The following STMN4 variants were observed in gnomAD, a reference collection of about 807,000 sequenced individuals.
The protein encoded by STMN4 is stathmin-4.
A neutral mutation model predicts 29.1 loss-of-function variants in STMN4; 12 were observed. The ratio of observed to expected loss-of-function variants is 0.41; its 90% CI spans 0.26 to 0.67. STMN4 has a LOEUF of 0.67. Among genes scored for constraint, STMN4 ranks in the 30% least tolerant of loss-of-function variants. The pLI is 0.30. For synonymous variants in STMN4, 114 were observed against 105.3 expected, an observed-to-expected ratio of 1.08 and a Z score of -0.51; for missense variants, 181 against 262.8, an observed-to-expected ratio of 0.69 and a Z score of 2.15.
rs1801309689 is a variant in STMN4, at chr8:27,236,355, C to G, written c.*491G>C. 6.6e-6 allele frequency: 1 copy of G among 152,660 alleles called. No individual in the cohort carries two copies. Among genetic ancestry groups the G allele is most frequent in the South Asian group, 2.1e-4 (1 of 4,842 alleles). 9.5% of individuals were successfully genotyped at this position (152,660 alleles called of 1,614,324 possible). On this transcript the variant is annotated 3_prime_UTR_variant, in exon 7 of 7. Transcript: ENST00000350889. ...AAAAATGATGGTTCACACACACACA[C>G]AGACCTCATCCCACCTGCTGCAGGG... is the stretch of plus-strand genomic sequence containing the variant.
intron 1 of STMN4, among the ~76,000 whole-genome samples, chr8:27,255,077 T>A (rs1801903903): frequency 6.6e-6 from 1 of 152,024 alleles, no homozygotes; most frequent in Non-Finnish European, 1.5e-5. Flanking sequence ...AAAAAAACAA[T>A]TTTTAAATGG....
chr8:27,257,571 G>T (rs528840517), intron 1 of STMN4, among the ~76,000 whole-genome samples: 1 of 152,120 alleles, frequency 6.6e-6, no homozygotes, highest in East Asian at 1.9e-4. Flanking sequence ...CTTCCTGGGA[G>T]AAATAAAACA....
At chr8:27,249,259 G>C (rs761931947) in intron 1 of STMN4, among the ~76,000 whole-genome samples, 2 of 152,082 alleles carry the variant, frequency 1.3e-5, no homozygotes, top group Non-Finnish European at 2.9e-5. Context: ...CAGAGCCCTC[G>C]ATTTCACCCA....
chr8:27,252,607 A>G (rs1801822899), intron 1 of STMN4, among the ~76,000 whole-genome samples: 1 of 152,182 alleles, frequency 6.6e-6, no homozygotes, highest in South Asian at 2.1e-4. Context: ...TACATATTTT[A>G]TCATTTTATT....
intron 1 of STMN4, 99 bp from the exon 2 acceptor site, chr8:27,243,900 C>T (rs1801549984): frequency 1.8e-6 from 2 of 1,114,034 alleles, no homozygotes; most frequent in Non-Finnish European, 2.6e-6. Flanking sequence ...CTCAGGGGTA[C>T]CTCATTTGCT....
chr8:27,243,658 G>A, intron 2 of STMN4, 53 bp downstream of exon 2: 3 of 1,572,232 alleles, frequency 1.9e-6, no homozygotes, highest in Non-Finnish European at 2.6e-6. Flanking sequence ...TCCATGTTGG[G>A]TGAGGGCAGG....
rs764779082 is a variant in STMN4 at position 27,242,431 on chromosome 8, G to A, written c.75C>T (p.Ala25=). The change falls in exon 3 of 7, where the codon GCC becomes GCT. Residue 25 remains alanine (A), a synonymous_variant. Transcript: ENST00000350889. Reference sequence around the variant, plus strand: ...TGTAGGACGACTTATTCAGGGGATCGGCCAGGAAGCAGGAGCAGAACAAGG... The same window carrying A: ...TGTAGGACGACTTATTCAGGGGATCAGCCAGGAAGCAGGAGCAGAACAAGG... ...LVSLFCSCFL[A]DPLNKSSYKY... The A allele has an allele frequency of 8.1e-6, 13 of 1,614,158 alleles. No homozygotes were observed. Among genetic ancestry groups the A allele is most frequent in the Middle Eastern group, 1.6e-4 (1 of 6,062 alleles).
chr8:27,239,927 AC>A (rs749461145), intron 6 of STMN4, 43 bp downstream of exon 6: 1 of 1,614,030 alleles, frequency 6.2e-7, no homozygotes, highest in South Asian at 1.1e-5. Flanking sequence ...CAGAAGGAAA[AC>A]AGCATGTCCC....
chr8:27,244,429 C>T (rs1483161355), intron 1 of STMN4, among the ~76,000 whole-genome samples: 1 of 152,184 alleles, frequency 6.6e-6, no homozygotes, highest in East Asian at 1.9e-4. Flanking sequence ...CCAGCCAGCA[C>T]ACCACCAGAA....
chr8:27,241,339 C>T (rs755365928), intron 4 of STMN4, 77 bp from the exon 5 acceptor site: 6 of 1,578,184 alleles, frequency 3.8e-6, no homozygotes, highest in South Asian at 1.1e-5. Flanking sequence ...CGCATGCACA[C>T]GGGAGTGGGA....
chr8:27,247,014 G>A (rs1377777425), intron 1 of STMN4, among the ~76,000 whole-genome samples: 1 of 152,144 alleles, frequency 6.6e-6, no homozygotes, highest in Non-Finnish European at 1.5e-5. Context: ...AGCACTTTGG[G>A]AGGCTGAGGT....
intron 1 of STMN4, among the ~76,000 whole-genome samples, chr8:27,255,748 A>T (rs1586024826): frequency 7.4e-6 from 1 of 134,300 alleles, no homozygotes; most frequent in East Asian, 1.9e-4. Context: ...AAATGTGGTT[A>T]AAAATGGCCT....
intron 1 of STMN4, among the ~76,000 whole-genome samples, chr8:27,245,516 C>T (rs1801599989): frequency 6.6e-6 from 1 of 152,266 alleles, no homozygotes; most frequent in Non-Finnish European, 1.5e-5. Flanking sequence ...AATGGGTCTT[C>T]TCTCTGCAGA....
intron 1 of STMN4, among the ~76,000 whole-genome samples, chr8:27,244,283 A>T (rs1195924958): frequency 6.6e-6 from 1 of 152,198 alleles, no homozygotes; most frequent in African/African-American, 2.4e-5. Flanking sequence ...TGGACATAGG[A>T]TGTTAACAGG....
chr8:27,252,451 C>T (rs544854718), intron 1 of STMN4, among the ~76,000 whole-genome samples: 1 of 152,242 alleles, frequency 6.6e-6, no homozygotes, highest in East Asian at 1.9e-4. Context: ...CAAACAACCC[C>T]ATCAAAAAAA....
chr8:27,245,700 G>A (rs1317053610), intron 1 of STMN4, among the ~76,000 whole-genome samples: 2 of 152,230 alleles, frequency 1.3e-5, no homozygotes. Context: ...AGTGGCCTTG[G>A]ACTTCTACCT....
chr8:27,252,082 T>C (rs1025947000), intron 1 of STMN4, among the ~76,000 whole-genome samples: 1 of 151,864 alleles, frequency 6.6e-6, no homozygotes, highest in Admixed American at 6.5e-5. Context: ...GTCCTTGTGA[T>C]AGTTTACTGA....
intron 3 of STMN4, 111 bp from the exon 4 acceptor site, chr8:27,241,868 C>T: frequency 1.5e-6 from 2 of 1,300,766 alleles, no homozygotes; most frequent in South Asian, 1.2e-5. Context: ...GACCTGGTCC[C>T]CGAGCACCCC....
intron 1 of STMN4, among the ~76,000 whole-genome samples, chr8:27,253,748 C>T (rs12542148): frequency 0.12 from 18,271 of 149,980 alleles, 1,832 homozygotes; most frequent in East Asian, 0.41. Flanking sequence ...TTTTGATTAG[C>T]TAGAGTACTT....
Sources: gnomAD v4.1 joint callset for allele counts (sites outside exome capture counted in the v4.1 genomes callset) on GRCh38, gnomAD v4.1.1 for gene constraint, MANE v1.5 for transcripts, NCBI Gene and HGNC (gene_info 2026-07-23, HGNC 2026-07-21) for gene names.